The following PEX2 variants were observed in gnomAD, a reference collection of about 807,000 sequenced individuals.
PEX2 encodes peroxisomal biogenesis factor 2, also known as peroxisome biogenesis factor 2.
PEX2 carries 19 observed loss-of-function variants against 25.2 expected under a neutral mutation model. The observed-to-expected ratio is 0.75, with a 90% CI of 0.53 to 1.10. The LOEUF is 1.10. PEX2 is among the 50% of genes least tolerant of loss of function. The pLI is 0.00. For missense variants in PEX2, 347 were observed against 350.6 expected (o/e 0.99, Z 0.08); for synonymous variants, 141 against 127.7 (o/e 1.10, Z -0.70).
intron 1 of PEX2, among the ~76,000 whole-genome samples, chr8:76,991,859 G>A (rs1807179493): frequency 6.6e-6 from 1 of 152,172 alleles, no homozygotes; most frequent in South Asian, 2.1e-4. Flanking sequence ...TGGTTTAGAA[G>A]CCATAAAGCA....
Position 76,986,275 on chromosome 8 carries a change from C to G in PEX2, c.-106G>C, listed in dbSNP as rs1211465263. 6.6e-6 allele frequency: 1 copy of G among 152,164 alleles called. No homozygotes were observed. Among genetic ancestry groups the G allele is most frequent in the Admixed American group, 6.5e-5 (1 of 15,278 alleles). The allele number at this position is 152,164 out of a possible 1,614,324, so 9.4% of individuals were successfully genotyped here. A position where few individuals can be genotyped will look rare whatever the true frequency, so the allele number is the denominator to read the frequency against. On this transcript the variant is annotated 5_prime_UTR_variant, in exon 3 of 4. Coordinates refer to ENST00000357039, the MANE Select transcript of PEX2 (RefSeq NM_000318.3). ...TTGCTCCAAGTTCTTCTGTGAAATC[C>G]TTGCCTCATACTTGCCAGAAGCTAC...
chr8:76,984,845 A>T (rs2132045892), intron 3 of PEX2, among the ~76,000 whole-genome samples: 1 of 152,334 alleles, frequency 6.6e-6, no homozygotes, highest in African/African-American at 2.4e-5. Context: ...AGTATGAAGG[A>T]ACAAGAATGC....
intron 3 of PEX2, among the ~76,000 whole-genome samples, chr8:76,985,879 C>T (rs1806987932): frequency 6.6e-6 from 1 of 152,146 alleles, no homozygotes; most frequent in South Asian, 2.1e-4. Flanking sequence ...CTTTCAAATT[C>T]TACTCTGTTA....
chr8:76,981,688 G>GC lies in PEX2; in HGVS notation c.*1572dup. On this transcript the variant is annotated 3_prime_UTR_variant, in exon 4 of 4. Transcript: ENST00000357039. ...AATTTTGTAAATAAGAAATGTACGT[G>GC]CAACAAATCTACAAATATAGTAAAA... The GC allele has an allele frequency of 6.6e-6, 1 of 152,180 alleles. No homozygotes were observed. 9.4% of individuals were successfully genotyped at this position (152,180 alleles called of 1,614,324 possible).
chr8:76,985,607 T>C (rs1806979390), intron 3 of PEX2, among the ~76,000 whole-genome samples: 1 of 152,052 alleles, frequency 6.6e-6, no homozygotes, highest in Non-Finnish European at 1.5e-5. Context: ...CCAATTATAC[T>C]CCAATAAAGC....
intron 1 of PEX2, 25 bp downstream of exon 1, chr8:76,999,965 C>G (rs1807452178): frequency 4.4e-6 from 2 of 456,556 alleles, no homozygotes; most frequent in Non-Finnish European, 8.8e-6. Flanking sequence ...GGTTTGCACT[C>G]CGGCTCTCTA....
intron 1 of PEX2, among the ~76,000 whole-genome samples, chr8:76,995,363 C>G (rs1447476780): frequency 6.6e-6 from 1 of 152,122 alleles, no homozygotes; most frequent in Non-Finnish European, 1.5e-5. Flanking sequence ...TAGGATTTTT[C>G]TTTTTGAAGT....
intron 3 of PEX2, among the ~76,000 whole-genome samples, chr8:76,984,732 A>G (rs1435709116): frequency 6.6e-6 from 1 of 152,190 alleles, no homozygotes; most frequent in African/African-American, 2.4e-5. Flanking sequence ...TCTTTCTCAA[A>G]TACATTTTAT....
At chr8:76,988,672 T>C (rs1807074260) in intron 1 of PEX2, among the ~76,000 whole-genome samples, 1 of 152,172 alleles carries the variant, frequency 6.6e-6, no homozygotes, top group South Asian at 2.1e-4. Flanking sequence ...ATGGATTGAC[T>C]CTTCATCTCA....
At chr8:76,995,515 G>T (rs1295380329) in intron 1 of PEX2, among the ~76,000 whole-genome samples, 1 of 151,600 alleles carries the variant, frequency 6.6e-6, no homozygotes, top group Non-Finnish European at 1.5e-5. Context: ...TTGCATTTAG[G>T]GAGAAGAGGA....
chr8:76,981,864 A>G lies in PEX2; in HGVS notation c.*1397T>C, dbSNP rs1472062040. 1 of 152,242 alleles carries G rather than the reference A, an allele frequency of 6.6e-6. No homozygotes were observed. Among genetic ancestry groups the G allele is most frequent in the African/African-American group, 2.4e-5 (1 of 41,456 alleles). The allele number at this position is 152,242 out of a possible 1,614,324, so 9.4% of individuals were successfully genotyped here. A position where few individuals can be genotyped will look rare whatever the true frequency, so the allele number is the denominator to read the frequency against. On this transcript the variant is annotated 3_prime_UTR_variant, in exon 4 of 4. Coordinates refer to ENST00000357039, the MANE Select transcript of PEX2 (RefSeq NM_000318.3). ...GTAAAATACTCTTAACTCAAACTACAAAACTTCTTCAGTATCTTACACTAA... is the reference window on the plus strand; with the variant it reads ...GTAAAATACTCTTAACTCAAACTACGAAACTTCTTCAGTATCTTACACTAA...
upstream of PEX2, among the ~76,000 whole-genome samples, chr8:77,000,462 C>T (rs996673260): frequency 1.3e-5 from 2 of 151,950 alleles, no homozygotes; most frequent in Non-Finnish European, 2.9e-5. Context: ...GCAGGCGCCG[C>T]CGGGTGGCGG....
rs934667429 is a variant in PEX2, at chr8:76,991,263, C to T, written c.-159-2925G>A. On this transcript the variant is annotated intron_variant, in intron 1 of 3. Coordinates refer to ENST00000357039, the MANE Select transcript of PEX2 (RefSeq NM_000318.3). ...TAAAAACAGGAATTTTTAATGACTG[C>T]CAGAAAAGGAGACCTAAAACGGTCT... is the stretch of plus-strand genomic sequence containing the variant. Among the ~76,000 whole-genome samples, 9 of 152,266 alleles carry T rather than the reference C, an allele frequency of 5.9e-5. No individual in the cohort carries two copies. In the East Asian group the frequency reaches 1.7e-3, roughly 29 times the overall value.
chr8:76,983,268 G>A lies in PEX2; in HGVS notation c.911C>T (p.Ala304Val), dbSNP rs558586088. 4.3e-6 allele frequency: 7 copies of A among 1,612,508 alleles called. No individual in the cohort carries two copies. The African/African-American group carries it at 6.7e-5, about 15-fold the overall frequency. The change falls in exon 4 of 4, where the codon GCT becomes GTT. Residue 304 changes from alanine to valine, a missense_variant. Transcript: ENST00000357039. Reference sequence around the variant, plus strand: ...AGGAAGCAATTTTAGTTTCTAAAGAGCATTTACTTCTGACATCTCGATTCC... The same window carrying A: ...AGGAAGCAATTTTAGTTTCTAAAGAACATTTACTTCTGACATCTCGATTCC... ...KSGIEMSEVNAL is the reference protein window; with the variant it reads ...KSGIEMSEVNVL
intron 1 of PEX2, among the ~76,000 whole-genome samples, chr8:76,991,800 C>T (rs1404605765): frequency 1.3e-5 from 2 of 152,142 alleles, no homozygotes; most frequent in African/African-American, 4.8e-5. Context: ...TTGGAAATAA[C>T]AGCTACCTCA....
At chr8:76,992,976 A>G (rs1364212905) in intron 1 of PEX2, among the ~76,000 whole-genome samples, 2 of 152,194 alleles carry the variant, frequency 1.3e-5, no homozygotes, top group Non-Finnish European at 2.9e-5. Flanking sequence ...GTGAAAGCCC[A>G]GAAATAGCAA....
chr8:76,983,997 C>G lies in PEX2; in HGVS notation c.182G>C (p.Trp61Ser). 1 of 1,614,068 alleles carries G rather than the reference C, an allele frequency of 6.2e-7. No individual in the cohort carries two copies. The highest frequency in any genetic ancestry group is 1.1e-5 in the South Asian group (1 of 91,074). The change falls in exon 4 of 4, where the codon TGG (tryptophan) becomes TCG (serine). Residue 61 changes from tryptophan (W) to serine (S), a missense_variant. Coordinates refer to ENST00000357039, the MANE Select transcript of PEX2 (RefSeq NM_000318.3). ...RFEPEVKACL[W>S]VFLWRFTIYS... ...GATGGTGAATCTCCACAAGAAAACC[C>G]ATAAGCACGCTTTCACCTCTGGCTC...
chr8:76,995,056 T>C (rs1383332727), intron 1 of PEX2, among the ~76,000 whole-genome samples: 1 of 152,174 alleles, frequency 6.6e-6, no homozygotes, highest in African/African-American at 2.4e-5. Context: ...AAAAAGGCTA[T>C]GGCTGAAGCC....
chr8:76,989,785 T>C (rs1035960020), intron 1 of PEX2, among the ~76,000 whole-genome samples: 8 of 152,216 alleles, frequency 5.3e-5, no homozygotes, highest in Non-Finnish European at 7.3e-5. Context: ...TTTTTTTCAT[T>C]TATAAAGTAC....
Sources: gnomAD v4.1 joint callset for allele counts (sites outside exome capture counted in the v4.1 genomes callset) on GRCh38, gnomAD v4.1.1 for gene constraint, MANE v1.5 for transcripts, NCBI Gene and HGNC (gene_info 2026-07-23, HGNC 2026-07-21) for gene names.